Variants in TMEM232 observed in about 807,000 individuals in gnomAD.
TMEM232 encodes the protein transmembrane protein 232.
Under a neutral mutation model 78.8 loss-of-function variants are expected in TMEM232, and 80 were observed. That is an observed-to-expected ratio of 1.01 (90% confidence interval 0.85 to 1.22). The LOEUF (loss-of-function observed/expected upper bound fraction) is 1.22, where lower values mean the gene tolerates loss of function less well. TMEM232 is among the 50% of genes most tolerant of loss of function. The pLI, the probability that TMEM232 is intolerant of heterozygous loss-of-function variation, is 0.00. For missense variants in TMEM232, 881 were observed against 742.2 expected, an observed-to-expected ratio of 1.19 and a Z score of -2.17; for synonymous variants, 297 against 254.3, an observed-to-expected ratio of 1.17 and a Z score of -1.60.
At chr5:110,626,265 A>G (rs1433202131) in intron 6 of TMEM232, among the ~76,000 whole-genome samples, 1 of 152,080 alleles carries the variant, frequency 6.6e-6, no homozygotes, top group Non-Finnish European at 1.5e-5. Flanking sequence ...AATTTTTCAA[A>G]GTTGATCTGC....
intron 12 of TMEM232, among the ~76,000 whole-genome samples, chr5:110,480,452 T>TTAAG (rs1228077676): frequency 6.6e-6 from 1 of 152,020 alleles, no homozygotes; most frequent in African/African-American, 2.4e-5. Flanking sequence ...AGAGTTCATA[T>TTAAG]TAAGTTATTG....
At chr5:110,716,261 G>T (rs1797003394) in intron 1 of TMEM232, among the ~76,000 whole-genome samples, 1 of 152,098 alleles carries the variant, frequency 6.6e-6, no homozygotes, top group Non-Finnish European at 1.5e-5. Context: ...GACCAGTTTG[G>T]TGGAAGAAAA....
chr5:110,732,137 C>T (rs996079235), intron 2 of TMEM232, among the ~76,000 whole-genome samples: 10 of 152,268 alleles, frequency 6.6e-5, no homozygotes, highest in Middle Eastern at 3.4e-3. Context: ...GTCCCAATTC[C>T]GAAGAAGTTC....
intron 12 of TMEM232, among the ~76,000 whole-genome samples, chr5:110,502,231 A>G (rs543925155): frequency 5.3e-5 from 8 of 152,266 alleles, no homozygotes; most frequent in African/African-American, 1.9e-4. Flanking sequence ...GCATTGGTCA[A>G]GTGTTGTCCT....
intron 2 of TMEM232, among the ~76,000 whole-genome samples, chr5:110,656,985 T>A (rs1789167795): frequency 6.6e-6 from 1 of 152,226 alleles, no homozygotes; most frequent in Non-Finnish European, 1.5e-5. Flanking sequence ...TTTCAATGCA[T>A]GTGTTCATAA....
intron 1 of TMEM232, among the ~76,000 whole-genome samples, chr5:110,705,738 A>ATATG (rs1554082729): frequency 3.1e-4 from 45 of 144,432 alleles, no homozygotes; most frequent in African/African-American, 5.9e-4. Flanking sequence ...ACACACACAT[A>ATATG]TGTGTGTGTG....
At chr5:110,731,041 T>A (rs1798630625), upstream of TMEM232, among the ~76,000 whole-genome samples, 1 of 152,064 alleles carries the variant, frequency 6.6e-6, no homozygotes, top group African/African-American at 2.4e-5. Flanking sequence ...GGGGTTCAGG[T>A]ATTGGGTAAA....
intron 10 of TMEM232, among the ~76,000 whole-genome samples, chr5:110,591,550 A>G (rs1318815424): frequency 6.6e-6 from 1 of 152,086 alleles, no homozygotes; most frequent in African/African-American, 2.4e-5. Context: ...ACATCTATTA[A>G]CCTTTACTGG....
chr5:110,699,059 A>C (rs1795144327), intron 1 of TMEM232, among the ~76,000 whole-genome samples: 1 of 140,722 alleles, frequency 7.1e-6, no homozygotes, highest in Non-Finnish European at 1.5e-5. Flanking sequence ...AACAAACAAA[A>C]CAAAACAAAA....
At position 110,424,858 on chromosome 5, in the gene TMEM232, C is replaced by T. The variant is rs553179610; in HGVS notation, c.1762G>A (p.Ala588Thr). 2 of 1,549,876 alleles carry T rather than the reference C, an allele frequency of 1.3e-6. No individual in the cohort carries two copies. The highest frequency in any genetic ancestry group is 8.7e-7 in the Non-Finnish European group (1 of 1,146,020). The change falls in exon 13 of 14, where the codon GCA (alanine) becomes ACA (threonine). Residue 588 changes from alanine (A) to threonine (T), a missense_variant. Ala to Thr is a moderately conservative substitution (Grantham distance 58). Coordinates refer to ENST00000455884, the MANE Select transcript of TMEM232 (RefSeq NM_001039763.4). ...MFPYPDFFTK[A>T]DKELAKIIDH... ...ATGATTTTTGCCAACTCTTTATCTG[C>T]CTTGGTGAAGAAATCTGGATATGGA...
chr5:110,445,051 T>C (rs71575331), intron 12 of TMEM232, among the ~76,000 whole-genome samples: 289 of 152,152 alleles, frequency 1.9e-3, no homozygotes, highest in Non-Finnish European at 3.5e-3. Context: ...TATTCTTTTC[T>C]ATAGCCCTCA....
intron 1 of TMEM232, among the ~76,000 whole-genome samples, chr5:110,722,894 G>C (rs916087726): frequency 7.2e-5 from 11 of 152,164 alleles, no homozygotes; most frequent in African/African-American, 2.7e-4. Flanking sequence ...TGTATTTACT[G>C]TTGAATTCAA....
At chr5:110,690,509 C>T (rs1793988210) in intron 1 of TMEM232, among the ~76,000 whole-genome samples, 1 of 152,150 alleles carries the variant, frequency 6.6e-6, no homozygotes, top group African/African-American at 2.4e-5. Context: ...AATAGGAACG[C>T]TTTTACACTG....
At chr5:110,462,687 G>A (rs1169136521) in intron 12 of TMEM232, among the ~76,000 whole-genome samples, 1 of 151,990 alleles carries the variant, frequency 6.6e-6, no homozygotes, top group Non-Finnish European at 1.5e-5. Flanking sequence ...GCCTATTGTG[G>A]GACTTCATCT....
chr5:110,636,723 A>G (rs776896138), intron 5 of TMEM232, among the ~76,000 whole-genome samples: 1 of 152,026 alleles, frequency 6.6e-6, no homozygotes, highest in Non-Finnish European at 1.5e-5. Context: ...GATGTAGAAT[A>G]TGTGAAATCA....
At chr5:110,581,435 A>AGT in intron 10 of TMEM232, among the ~76,000 whole-genome samples, 1 of 152,126 alleles carries the variant, frequency 6.6e-6, no homozygotes, top group Non-Finnish European at 1.5e-5. Context: ...CTATTCAATA[A>AGT]GTGGTGCTGG....
At chr5:110,582,301 C>T (rs1778298412) in intron 10 of TMEM232, among the ~76,000 whole-genome samples, 1 of 151,874 alleles carries the variant, frequency 6.6e-6, no homozygotes, top group Admixed American at 6.6e-5. Flanking sequence ...ACATATGGTA[C>T]ATATACACCA....
intron 8 of TMEM232, chr5:110,610,625 A>C: frequency 4.6e-6 from 2 of 436,328 alleles, no homozygotes; most frequent in South Asian, 3.3e-5. Context: ...AAAGGGTGCC[A>C]GTTAACTCCT....
At chr5:110,464,269 A>T (rs1761842271) in intron 12 of TMEM232, among the ~76,000 whole-genome samples, 1 of 152,216 alleles carries the variant, frequency 6.6e-6, no homozygotes, top group African/African-American at 2.4e-5. Flanking sequence ...TATTTATCAA[A>T]TGAGTGAAAA....
Sources: gnomAD v4.1 joint callset for allele counts (sites outside exome capture counted in the v4.1 genomes callset) on GRCh38, gnomAD v4.1.1 for gene constraint, MANE v1.5 for transcripts, NCBI Gene and HGNC (gene_info 2026-07-23, HGNC 2026-07-21) for gene names.